Variants in MARCHF1 observed in about 807,000 individuals in gnomAD.
MARCHF1 encodes the protein E3 ubiquitin-protein ligase MARCHF1.
Under a neutral mutation model 54.2 loss-of-function variants are expected in MARCHF1, and 40 were observed. The observed-to-expected ratio is 0.74, with a 90% CI of 0.57 to 0.96. The LOEUF (loss-of-function observed/expected upper bound fraction) is 0.96, where lower values mean the gene tolerates loss of function less well. MARCHF1 is among the 40% of genes least tolerant of loss of function. The probability of loss-of-function intolerance (pLI) is 0.00; values close to 1 mark genes in which losing one functional copy is unlikely to be tolerated. For missense variants in MARCHF1, 586 were observed against 656.5 expected (o/e 0.89, Z 1.17); for synonymous variants, 236 against 236.3 (o/e 1.00, Z 0.01).
chr4:163,796,592 AT>A (rs1190904486), intron 4 of MARCHF1, among the ~76,000 whole-genome samples: 1 of 151,914 alleles, frequency 6.6e-6, no homozygotes, highest in East Asian at 1.9e-4. Context: ...CACTATATTT[AT>A]TTTTTCATAC....
chr4:163,646,372 T>C (rs952290767), intron 5 of MARCHF1, among the ~76,000 whole-genome samples: 1 of 152,008 alleles, frequency 6.6e-6, no homozygotes, highest in Non-Finnish European at 1.5e-5. Context: ...ATTTGCCTCA[T>C]CAAAAATGCC....
At chr4:164,312,313 CTTTTTCTTTTTT>C (rs1734873092) in intron 1 of MARCHF1, among the ~76,000 whole-genome samples, 1 of 112,124 alleles carries the variant, frequency 8.9e-6, no homozygotes, top group Non-Finnish European at 1.9e-5. Flanking sequence ...GAATTATTTT[CTTTTTCTTTTTT>C]TTTTTTTTTT....
At chr4:163,632,379 G>A (rs1742124368) in intron 5 of MARCHF1, among the ~76,000 whole-genome samples, 1 of 152,208 alleles carries the variant, frequency 6.6e-6, no homozygotes, top group Non-Finnish European at 1.5e-5. Context: ...GCGCAGGTCA[G>A]TGGGTGCATG....
At chr4:163,632,631 G>A (rs1375754573) in intron 5 of MARCHF1, among the ~76,000 whole-genome samples, 2 of 152,204 alleles carry the variant, frequency 1.3e-5, no homozygotes, top group Non-Finnish European at 2.9e-5. Context: ...TAGCACAGCA[G>A]TCTGAGATCA....
At chr4:164,032,451 G>A (rs1753898555) in intron 2 of MARCHF1, among the ~76,000 whole-genome samples, 1 of 152,076 alleles carries the variant, frequency 6.6e-6, no homozygotes, top group African/African-American at 2.4e-5. Flanking sequence ...AATCTTTATA[G>A]CTTTCTGATG....
chr4:163,921,571 A>G lies in MARCHF1; in HGVS notation c.-39+66930T>C, dbSNP rs533387555. ...AGACAATAAAATAATTTCTAGTAAG[A>G]TAGCAATAGTACACACATACTTTAG... On this transcript the variant is annotated intron_variant, in intron 3 of 9. Coordinates refer to ENST00000514618, the MANE Select transcript of MARCHF1 (RefSeq NM_001394959.1). 2.0e-5 allele frequency among the ~76,000 whole-genome samples: 3 copies of G among 152,298 alleles called. No homozygotes were observed. In the South Asian group the frequency reaches 6.2e-4, roughly 32 times the overall value.
At chr4:164,226,267 G>A (rs986874312) in intron 1 of MARCHF1, among the ~76,000 whole-genome samples, 12 of 152,032 alleles carry the variant, frequency 7.9e-5, no homozygotes, top group Admixed American at 2.6e-4. Context: ...ATAAATAAAT[G>A]TAATAGATAT....
intron 1 of MARCHF1, among the ~76,000 whole-genome samples, chr4:164,194,418 C>T (rs1731199190): frequency 6.6e-6 from 1 of 152,088 alleles, no homozygotes; most frequent in South Asian, 2.1e-4. Flanking sequence ...TGAACAAATC[C>T]AGCTAATGGA....
intron 4 of MARCHF1, among the ~76,000 whole-genome samples, chr4:163,729,058 T>A (rs1389882506): frequency 6.6e-6 from 1 of 152,164 alleles, no homozygotes; most frequent in Non-Finnish European, 1.5e-5. Flanking sequence ...TAATCTGTTG[T>A]TGTGGATTAA....
chr4:163,648,469 A>T (rs949012850), intron 5 of MARCHF1, among the ~76,000 whole-genome samples: 2 of 151,974 alleles, frequency 1.3e-5, no homozygotes, highest in African/African-American at 4.8e-5. Context: ...CATTTGAATA[A>T]ATTTGATGCA....
intron 1 of MARCHF1, among the ~76,000 whole-genome samples, chr4:164,260,678 T>C (rs1457757118): frequency 2.0e-5 from 3 of 152,242 alleles, no homozygotes; most frequent in Admixed American, 6.5e-5. Context: ...TTTTTAGCTA[T>C]AGGAACTCAT....
chr4:164,033,361 A>C (rs1372726905), intron 2 of MARCHF1, among the ~76,000 whole-genome samples: 1 of 152,196 alleles, frequency 6.6e-6, no homozygotes, highest in Non-Finnish European at 1.5e-5. Flanking sequence ...AGACATAGGC[A>C]TGGGCAAAGC....
At chr4:164,322,854 TA>T (rs2110768924) in intron 1 of MARCHF1, among the ~76,000 whole-genome samples, 1 of 152,128 alleles carries the variant, frequency 6.6e-6, no homozygotes, top group African/African-American at 2.4e-5. Flanking sequence ...AAAGTAATAT[TA>T]GGTAATTATA....
At chr4:164,018,399 T>C (rs1270187785) in intron 2 of MARCHF1, among the ~76,000 whole-genome samples, 2 of 151,922 alleles carry the variant, frequency 1.3e-5, no homozygotes, top group Non-Finnish European at 2.9e-5. Context: ...ATATATATGA[T>C]TATATCTATA....
At chr4:163,726,653 G>A (rs1462762417) in intron 4 of MARCHF1, among the ~76,000 whole-genome samples, 2 of 152,156 alleles carry the variant, frequency 1.3e-5, no homozygotes, top group Non-Finnish European at 2.9e-5. Context: ...CTGTATAAGA[G>A]TATGTTTAGT....
intron 1 of MARCHF1, among the ~76,000 whole-genome samples, chr4:164,333,795 C>A (rs542442854): frequency 6.6e-6 from 1 of 152,152 alleles, no homozygotes; most frequent in Non-Finnish European, 1.5e-5. Flanking sequence ...AGAGGCCAAA[C>A]GCTAGGTGTA....
chr4:163,664,644 A>G (rs1266508084), intron 5 of MARCHF1, among the ~76,000 whole-genome samples: 1 of 152,096 alleles, frequency 6.6e-6, no homozygotes, highest in Non-Finnish European at 1.5e-5. Context: ...AAGACATTGT[A>G]TCTGTAGGGT....
At chr4:164,205,899 A>G (rs1253811557) in intron 1 of MARCHF1, among the ~76,000 whole-genome samples, 1 of 152,232 alleles carries the variant, frequency 6.6e-6, no homozygotes, top group East Asian at 1.9e-4. Flanking sequence ...CGTCACAGTA[A>G]TATCTTCTGA....
intron 4 of MARCHF1, 146 bp from the exon 5 acceptor site, chr4:163,701,009 C>A: frequency 3.5e-6 from 2 of 575,874 alleles, no homozygotes; most frequent in Non-Finnish European, 6.1e-6. Context: ...ATTGCTTACA[C>A]AGAATGCTTT....
Sources: gnomAD v4.1 joint callset for allele counts (sites outside exome capture counted in the v4.1 genomes callset) on GRCh38, gnomAD v4.1.1 for gene constraint, MANE v1.5 for transcripts, NCBI Gene and HGNC (gene_info 2026-07-23, HGNC 2026-07-21) for gene names.